Variants in AUH observed in about 807,000 individuals in gnomAD.
AUH encodes AU RNA binding methylglutaconyl-CoA hydratase.
A neutral mutation model predicts 42.3 loss-of-function variants in AUH; 29 were observed. The ratio of observed to expected loss-of-function variants is 0.69; its 90% CI spans 0.51 to 0.93. AUH has a LOEUF of 0.93. Among genes scored for constraint, AUH ranks in the 40% least tolerant of loss-of-function variants. The pLI is 0.00. For synonymous variants in AUH, 174 were observed against 166.4 expected, an observed-to-expected ratio of 1.05 and a Z score of -0.35; for missense variants, 452 against 438.1, an observed-to-expected ratio of 1.03 and a Z score of -0.28.
chr9:91,222,138 G>A (rs1587624637), intron 6 of AUH, among the ~76,000 whole-genome samples: 1 of 151,948 alleles, frequency 6.6e-6, no homozygotes. Context: ...TTTAAAACTA[G>A]ATGAGTGATT....
At chr9:91,240,161 T>A (rs747518043) in intron 6 of AUH, among the ~76,000 whole-genome samples, 20 of 152,228 alleles carry the variant, frequency 1.3e-4, no homozygotes, top group Non-Finnish European at 2.8e-4. Flanking sequence ...TTAAAAAAAA[T>A]TTTGAAGATG....
At chr9:91,261,135 C>G (rs1297862285) in intron 6 of AUH, among the ~76,000 whole-genome samples, 2 of 152,070 alleles carry the variant, frequency 1.3e-5, no homozygotes, top group African/African-American at 2.4e-5. Context: ...GCTCCTGGGT[C>G]GTATTTTCCT....
At chr9:91,321,997 GGATTCTATTAA>G (rs1418485975) in intron 4 of AUH, among the ~76,000 whole-genome samples, 1 of 151,954 alleles carries the variant, frequency 6.6e-6, no homozygotes, top group Non-Finnish European at 1.5e-5. Flanking sequence ...TTAAATGAGT[GGATTCTATTAA>G]GATACTATTA....
rs1564001076 is a variant in AUH at position 91,214,288 on chromosome 9, C to T, written c.*60G>A. On this transcript the variant is annotated 3_prime_UTR_variant, in exon 10 of 10. Coordinates refer to ENST00000375731, the MANE Select transcript of AUH (RefSeq NM_001698.3). ...CATGTGCTGAGGCATATAGTGGATC[C>T]GAAAGACACTTCCAGGAAGTACATT... 10 of 1,440,950 alleles carry T rather than the reference C, an allele frequency of 6.9e-6. No individual in the cohort carries two copies. The highest frequency in any genetic ancestry group is 3.6e-5 in the South Asian group (3 of 83,674). The allele number at this position is 1,440,950 out of a possible 1,614,324, so 89.3% of individuals were successfully genotyped here. A position where few individuals can be genotyped will look rare whatever the true frequency, so the allele number is the denominator to read the frequency against.
At chr9:91,327,742 C>T (rs1011170254) in intron 3 of AUH, among the ~76,000 whole-genome samples, 10 of 152,214 alleles carry the variant, frequency 6.6e-5, no homozygotes, top group South Asian at 2.1e-4. Flanking sequence ...AACATGCTCC[C>T]GCTAGCCAAG....
chr9:91,337,630 C>CA (rs1398883783), intron 3 of AUH, among the ~76,000 whole-genome samples: 1 of 152,152 alleles, frequency 6.6e-6, no homozygotes, highest in African/African-American at 2.4e-5. Context: ...AGCTGGCAAA[C>CA]AGAGTAAACT....
At chr9:91,316,003 CAT>C (rs1002836639) in intron 4 of AUH, among the ~76,000 whole-genome samples, 3 of 152,192 alleles carry the variant, frequency 2.0e-5, no homozygotes, top group Non-Finnish European at 4.4e-5. Flanking sequence ...CATATTGGTA[CAT>C]GTGTGTATTA....
At chr9:91,263,781 A>G (rs1483225196) in intron 6 of AUH, among the ~76,000 whole-genome samples, 1 of 152,198 alleles carries the variant, frequency 6.6e-6, no homozygotes, top group Non-Finnish European at 1.5e-5. Context: ...TGGATTTAAT[A>G]ATTTTACATA....
intron 6 of AUH, among the ~76,000 whole-genome samples, chr9:91,228,921 GTTTGT>G (rs1258640515): frequency 6.6e-6 from 1 of 152,204 alleles, no homozygotes; most frequent in East Asian, 1.9e-4. Flanking sequence ...CTGAGAGACA[GTTTGT>G]TTTAATTTCT....
intron 6 of AUH, among the ~76,000 whole-genome samples, chr9:91,292,006 A>G (rs1826940524): frequency 6.6e-6 from 1 of 152,014 alleles, no homozygotes; most frequent in Non-Finnish European, 1.5e-5. Flanking sequence ...TTTTGAAAGA[A>G]TGACTTCACA....
At chr9:91,288,224 A>C (rs1826572924) in intron 6 of AUH, among the ~76,000 whole-genome samples, 1 of 152,164 alleles carries the variant, frequency 6.6e-6, no homozygotes, top group Non-Finnish European at 1.5e-5. Flanking sequence ...AGCGGGAATT[A>C]GAAAATCTGC....
chr9:91,268,630 G>A (rs1473543573), intron 6 of AUH, among the ~76,000 whole-genome samples: 2 of 152,122 alleles, frequency 1.3e-5, no homozygotes, highest in South Asian at 2.1e-4. Context: ...GGGTTTCACC[G>A]TGTTGCCCAG....
chr9:91,309,316 C>G (rs989501258), intron 4 of AUH, among the ~76,000 whole-genome samples: 1 of 151,932 alleles, frequency 6.6e-6, no homozygotes, highest in Non-Finnish European at 1.5e-5. Context: ...GCCAAATACA[C>G]AAACTGTCTC....
At chr9:91,336,216 T>C (rs1276534899) in intron 3 of AUH, among the ~76,000 whole-genome samples, 1 of 151,938 alleles carries the variant, frequency 6.6e-6, no homozygotes, top group Non-Finnish European at 1.5e-5. Context: ...TATATATGTA[T>C]ATACACACAC....
intron 4 of AUH, among the ~76,000 whole-genome samples, chr9:91,316,673 C>T (rs1412989011): frequency 1.3e-5 from 2 of 152,208 alleles, no homozygotes; most frequent in African/African-American, 4.8e-5. Context: ...CCTCACTCCT[C>T]TACCTCTGTG....
At chr9:91,340,911 A>G (rs1452242807) in intron 3 of AUH, among the ~76,000 whole-genome samples, 1 of 152,216 alleles carries the variant, frequency 6.6e-6, no homozygotes, top group Admixed American at 6.5e-5. Flanking sequence ...TGTGACAAAA[A>G]TTGTTAAGAG....
At chr9:91,238,442 G>A (rs898048459) in intron 6 of AUH, among the ~76,000 whole-genome samples, 2 of 152,116 alleles carry the variant, frequency 1.3e-5, no homozygotes, top group Non-Finnish European at 2.9e-5. Flanking sequence ...GAGGAGGCTG[G>A]GAAATGTAGT....
chr9:91,287,298 C>T (rs942276933), intron 6 of AUH, among the ~76,000 whole-genome samples: 4 of 152,054 alleles, frequency 2.6e-5, no homozygotes, highest in Non-Finnish European at 5.9e-5. Flanking sequence ...TACAGACTGG[C>T]ACTCTTCTAA....
In AUH at chr9:91,292,769, C is replaced by T. The variant is rs146668469; in HGVS notation, c.655+3252G>A. 2.6e-3 allele frequency among the ~76,000 whole-genome samples: 390 copies of T among 152,244 alleles called. 2 individuals carry two copies. Among genetic ancestry groups the T allele is most frequent in the Non-Finnish European group, 4.4e-3 (298 of 68,016 alleles). On this transcript the variant is annotated intron_variant, in intron 6 of 9. Coordinates refer to ENST00000375731, the MANE Select transcript of AUH (RefSeq NM_001698.3). ...TAAGAACTACCATCTTCACTGTCTA[C>T]GTAAGCTAAAAATAGGGCATACAGG...
Sources: allele counts gnomAD v4.1 joint callset (sites outside exome capture counted in the v4.1 genomes callset), GRCh38; gene constraint gnomAD v4.1.1; transcripts MANE v1.5; gene names NCBI Gene and HGNC (gene_info 2026-07-23, HGNC 2026-07-21).